The following NDUFA10 variants were observed in gnomAD, a reference collection of about 807,000 sequenced individuals.
NDUFA10 encodes NADH:ubiquinone oxidoreductase subunit A10.
Under a neutral mutation model 47.8 loss-of-function variants are expected in NDUFA10, and 40 were observed. That is an observed-to-expected ratio of 0.84 (90% CI 0.65 to 1.09). The LOEUF is 1.09. Among genes scored for constraint, NDUFA10 ranks in the 50% least tolerant of loss-of-function variants. The pLI is 0.00. For missense variants in NDUFA10, 413 were observed against 451.1 expected, an observed-to-expected ratio of 0.92 and a Z score of 0.76; for synonymous variants, 183 against 172.2, an observed-to-expected ratio of 1.06 and a Z score of -0.49.
chr2:240,008,739 G>A (rs141009415), intron 6 of NDUFA10, among the ~76,000 whole-genome samples: 332 of 152,374 alleles, frequency 2.2e-3, no homozygotes, highest in African/African-American at 7.5e-3. Flanking sequence ...AGCCCCACCA[G>A]GAGCCAGGTG....
At chr2:239,994,955 T>A (rs1696405521) in intron 8 of NDUFA10, among the ~76,000 whole-genome samples, 1 of 151,932 alleles carries the variant, frequency 6.6e-6, no homozygotes, top group South Asian at 2.1e-4. Context: ...ACAGCAACAA[T>A]GAATTGAGTG....
At chr2:239,930,661 A>C (rs1179989900) in intron 4 of NDUFA10, among the ~76,000 whole-genome samples, 2 of 152,218 alleles carry the variant, frequency 1.3e-5, no homozygotes, top group East Asian at 3.9e-4. Context: ...GGGTTGTGGG[A>C]AACAGGGAGG....
At chr2:239,915,937 GAC>G (rs1232230339) in intron 4 of NDUFA10, among the ~76,000 whole-genome samples, 2 of 126,834 alleles carry the variant, frequency 1.6e-5, no homozygotes, top group Non-Finnish European at 3.3e-5. Flanking sequence ...TACACAGACA[GAC>G]ACAGAGAGAC....
At position 240,021,430 on chromosome 2, in the gene NDUFA10, C is replaced by T. The variant is rs1370855357; in HGVS notation, c.245-18G>A. The T allele has an allele frequency of 2.5e-6, 4 of 1,608,000 alleles. No homozygotes were observed. Among genetic ancestry groups the T allele is most frequent in the Non-Finnish European group, 3.4e-6 (4 of 1,175,462 alleles). On this transcript the variant is annotated intron_variant, in intron 2 of 9. Transcript: ENST00000252711. ...CTTGAAGCCTGAAAAGAGAAACAGT[C>T]GGATGCAGTCTGATGCACATCACTC...
chr2:240,007,221 G>T (rs1696978962), intron 7 of NDUFA10, 95 bp downstream of exon 7: 2 of 916,376 alleles, frequency 2.2e-6, no homozygotes, highest in South Asian at 1.4e-5. Context: ...TGTTTGTTAA[G>T]ACCAGTGGGA....
At chr2:239,909,741 T>C (rs1693716797) in intron 4 of NDUFA10, among the ~76,000 whole-genome samples, 1 of 150,218 alleles carries the variant, frequency 6.7e-6, no homozygotes, top group African/African-American at 2.5e-5. Context: ...AAGCAAAAAT[T>C]GACAAATGGA....
intron 1 of NDUFA10, among the ~76,000 whole-genome samples, chr2:240,024,971 G>C (rs1574907071): frequency 1.3e-5 from 1 of 76,518 alleles, no homozygotes; most frequent in Non-Finnish European, 2.5e-5. Context: ...GGGCAGCCTC[G>C]GGGCCCTGAT....
At chr2:239,910,764 T>G (rs11680976) in intron 4 of NDUFA10, among the ~76,000 whole-genome samples, 56,178 of 152,052 alleles carry the variant, frequency 0.37, 10,853 homozygotes, top group East Asian at 0.58. Context: ...GAGATGACCA[T>G]TGTCACTAGC....
chr2:240,010,104 G>A lies in NDUFA10; in HGVS notation c.749+1513C>T, dbSNP rs550098949. The stretch of plus-strand genomic sequence containing the variant: ...CAGTTTGATCTTGGTCTACAATTCA[G>A]CACTTAAAATAATGCATACTGCATA... On this transcript the variant is annotated intron_variant, in intron 6 of 9. Coordinates refer to ENST00000252711, the MANE Select transcript of NDUFA10 (RefSeq NM_004544.4). Among the ~76,000 whole-genome samples the A allele has an allele frequency of 4.9e-4, 75 of 152,300 alleles. 1 individual carries two copies. The South Asian group carries it at 7.3e-3, about 15-fold the overall frequency.
At chr2:239,927,066 C>T (rs1226197575) in intron 4 of NDUFA10, among the ~76,000 whole-genome samples, 1 of 152,148 alleles carries the variant, frequency 6.6e-6, no homozygotes, top group Non-Finnish European at 1.5e-5. Flanking sequence ...GTCCCTCCCA[C>T]AACACATGGG....
chr2:239,978,107 A>G (rs1695601688), intron 9 of NDUFA10, among the ~76,000 whole-genome samples: 1 of 152,022 alleles, frequency 6.6e-6, no homozygotes, highest in Non-Finnish European at 1.5e-5. Context: ...GGGATCTCTG[A>G]GGAGCCAAGA....
intron 5 of NDUFA10, chr2:240,013,272 T>C (rs555604972): frequency 6.6e-6 from 1 of 152,204 alleles, no homozygotes; most frequent in Non-Finnish European, 1.5e-5. Context: ...ACTGATAATG[T>C]GATGTCTTTT....
At chr2:239,936,166 G>A (rs1694263408) in intron 4 of NDUFA10, among the ~76,000 whole-genome samples, 1 of 152,176 alleles carries the variant, frequency 6.6e-6, no homozygotes, top group Non-Finnish European at 1.5e-5. Flanking sequence ...AGTGACTGTT[G>A]GTCAGGCCAA....
At position 239,945,539 on chromosome 2, in the gene NDUFA10, A is replaced by T. The variant is rs1447982373; in HGVS notation, c.294+44535T>A. Reference sequence around the variant, plus strand: ...ACCGAGCCGGTCAGGGCTGCAGTCTACCCCGTATGGCCAGGCTGGGAGGAT... The same window carrying T: ...ACCGAGCCGGTCAGGGCTGCAGTCTTCCCCGTATGGCCAGGCTGGGAGGAT... On this transcript the variant is annotated intron_variant, in intron 4 of 5. Coordinates refer to the NDUFA10 transcript ENST00000419408. This position sits in a 1 kb window ranked among gnomAD's most constrained non-coding sequence, Gnocchi z 4.6. Among the ~76,000 whole-genome samples, 1 of 151,974 alleles carries T rather than the reference A, an allele frequency of 6.6e-6. No homozygotes were observed. The highest frequency in any genetic ancestry group is 1.5e-5 in the Non-Finnish European group (1 of 68,004).
intron 4 of NDUFA10, among the ~76,000 whole-genome samples, chr2:239,904,907 G>A (rs578241338): frequency 2.0e-5 from 3 of 152,110 alleles, no homozygotes; most frequent in Admixed American, 1.3e-4. Context: ...GAATGGCTCC[G>A]ATCCCGCCTC....
Position 240,004,713 on chromosome 2 carries a change from G to A in NDUFA10, c.890+497C>T, listed in dbSNP as rs1696878336. Reference sequence around the variant, plus strand: ...GCACCTTCCCACCACACTCCTGCCTGAAGAGCCTCTGCACCTGCCAAGCCC... The same window carrying A: ...GCACCTTCCCACCACACTCCTGCCTAAAGAGCCTCTGCACCTGCCAAGCCC... On this transcript the variant is annotated intron_variant, in intron 8 of 9. Transcript: ENST00000252711. Among the ~76,000 whole-genome samples the A allele has an allele frequency of 2.0e-5, 3 of 150,738 alleles. No individual in the cohort carries two copies. In the South Asian group the frequency reaches 6.2e-4, roughly 31 times the overall value.
intron 4 of NDUFA10, among the ~76,000 whole-genome samples, chr2:239,951,424 G>A (rs925481906): frequency 6.6e-6 from 1 of 152,198 alleles, no homozygotes; most frequent in African/African-American, 2.4e-5. Flanking sequence ...AGGGTCTAAC[G>A]AGGCCGTTTC....
chr2:240,007,243 G>C, intron 7 of NDUFA10, 73 bp downstream of exon 7: 1 of 1,146,882 alleles, frequency 8.7e-7, no homozygotes, highest in Non-Finnish European at 1.3e-6. Flanking sequence ...TCTAACTGAC[G>C]ATCTGATTTG....
At chr2:239,931,201 G>A (rs191508125) in intron 4 of NDUFA10, among the ~76,000 whole-genome samples, 220 of 152,306 alleles carry the variant, frequency 1.4e-3, no homozygotes, top group Middle Eastern at 0.014. Flanking sequence ...TCCACATGAT[G>A]TAGTCTCTCT....
Sources: allele counts gnomAD v4.1 joint callset (sites outside exome capture counted in the v4.1 genomes callset), GRCh38; gene constraint gnomAD v4.1.1; non-coding constraint Gnocchi (gnomAD v3.1); transcripts MANE v1.5; gene names NCBI Gene and HGNC (gene_info 2026-07-23, HGNC 2026-07-21).